ASXL1: variants seen among roughly 807,000 people sequenced by gnomAD.
ASXL1 encodes ASXL transcriptional regulator 1.
ASXL1 carries 65 observed loss-of-function variants against 89.1 expected under a neutral mutation model. The ratio of observed to expected loss-of-function variants is 0.73; its 90% confidence interval spans 0.60 to 0.90. The LOEUF (loss-of-function observed/expected upper bound fraction) is 0.90. Ranked by LOEUF, ASXL1 falls within the 40% of genes least tolerant of loss-of-function variation. The pLI is 0.00. For missense variants in ASXL1, 1,786 were observed against 1,942.9 expected, an observed-to-expected ratio of 0.92 and a Z score of 1.52; for synonymous variants, 739 against 746.9, an observed-to-expected ratio of 0.99 and a Z score of 0.17.
chr20:32,399,747 C>CT lies in ASXL1; in HGVS notation c.253-28350dup, dbSNP rs369127811. Among the ~76,000 whole-genome samples, 128 of 73,854 alleles carry CT rather than the reference C, an allele frequency of 1.7e-3. 2 individuals are homozygous for CT. The highest frequency in any genetic ancestry group is 5.2e-3 in the African/African-American group (76 of 14,684). 48.5% of individuals were successfully genotyped at this position (73,854 alleles called of 152,430 possible). ...TTTTAAAAATCTCACATATTTTACT[C>CT]TTTTTTTTTTTTTTTTTTTTTTTTT... On this transcript the variant is annotated intron_variant, in intron 4 of 12. Transcript: ENST00000375687.
Position 32,437,282 on chromosome 20 carries a change from C to T in ASXL1, c.4570C>T (p.His1524Tyr), listed in dbSNP as rs149678774. 1 of 1,614,120 alleles carries T rather than the reference C, an allele frequency of 6.2e-7. No individual in the cohort carries two copies. The highest frequency in any genetic ancestry group is 8.5e-7 in the Non-Finnish European group (1 of 1,180,034). The change falls in exon 13 of 13, where the codon CAC (histidine) becomes TAC (tyrosine). Residue 1524 changes from histidine (H) to tyrosine (Y), a missense_variant. By Grantham distance (83) the His-to-Tyr change is moderately conservative. Coordinates refer to ENST00000375687, the MANE Select transcript of ASXL1 (RefSeq NM_015338.6). ...GTGCCAAGGCTGCGGTGCGTTCTGT[C>T]ACGATGACTGTATTGGACCCTCAAA... The part of the protein sequence containing the change: ...IMCQGCGAFC[H>Y]DDCIGPSKLC...
intron 3 of ASXL1, 112 bp downstream of exon 3, chr20:32,367,841 C>CTGTAATTTGTAGACAGAGG: frequency 1.3e-6 from 1 of 758,978 alleles, no homozygotes; most frequent in Middle Eastern, 2.3e-4. Flanking sequence ...GTGAGCAGCT[C>CTGTAATTTGTAGACAGAGG]TGTAATTTGT....
intron 4 of ASXL1, among the ~76,000 whole-genome samples, chr20:32,420,289 T>C (rs2049218461): frequency 6.6e-6 from 1 of 152,146 alleles, no homozygotes; most frequent in Admixed American, 6.5e-5. Flanking sequence ...TATTTTTTGC[T>C]CAGGAAAGAT....
intron 1 of ASXL1, 70 bp downstream of exon 1, chr20:32,358,902 T>TGG (rs578092988): frequency 4.6e-6 from 6 of 1,306,592 alleles, no homozygotes; most frequent in South Asian, 1.6e-5. Flanking sequence ...ACCCCCCCAC[T>TGG]GGGGGGGGAG....
chr20:32,429,217 C>T lies in ASXL1; in HGVS notation c.472-121C>T, dbSNP rs2011440202. On this transcript the variant is annotated intron_variant, in intron 6 of 12. Coordinates refer to ENST00000375687, the MANE Select transcript of ASXL1 (RefSeq NM_015338.6). The surrounding 1 kb of genome is among the most constrained non-coding windows in gnomAD (Gnocchi z 4.9). The stretch of plus-strand genomic sequence containing the variant: ...CAGTGCTCTTGTCAGCATTATTTGA[C>T]AGATCTGGTTGAAGACGAACTTCAT... 1.0e-6 allele frequency: 1 copy of T among 955,038 alleles called. No homozygotes were observed. Among genetic ancestry groups the T allele is most frequent in the Non-Finnish European group, 1.7e-6 (1 of 605,904 alleles). The allele number at this position is 955,038 out of a possible 1,614,324, so 59.2% of individuals were successfully genotyped here.
At chr20:32,381,788 A>G (rs1310020674) in intron 4 of ASXL1, among the ~76,000 whole-genome samples, 1 of 152,118 alleles carries the variant, frequency 6.6e-6, no homozygotes, top group African/African-American at 2.4e-5. Context: ...TGCTGGGATT[A>G]CAGGCATGAG....
chr20:32,430,175 A>G, intron 8 of ASXL1, 122 bp downstream of exon 8: 2 of 1,305,868 alleles, frequency 1.5e-6, no homozygotes, highest in Middle Eastern at 4.3e-4. Flanking sequence ...GTGGCCCTCT[A>G]TTTTTTGTTT....
intron 4 of ASXL1, chr20:32,372,034 T>C: frequency 8.5e-7 from 1 of 1,183,068 alleles, no homozygotes; most frequent in Non-Finnish European, 1.1e-6. Context: ...TAATTACTTT[T>C]TTCTATGAGT....
chr20:32,377,105 A>G (rs1450343041), intron 4 of ASXL1, among the ~76,000 whole-genome samples: 1 of 115,200 alleles, frequency 8.7e-6, no homozygotes, highest in East Asian at 3.3e-4. Context: ...TATTATATAT[A>G]ATATATTAAT....
At chr20:32,377,943 GCAC>G (rs1569254748) in intron 4 of ASXL1, among the ~76,000 whole-genome samples, 2 of 141,928 alleles carry the variant, frequency 1.4e-5, no homozygotes, top group Non-Finnish European at 3.1e-5. Context: ...GTGAACCACC[GCAC>G]CTGGCCCCAA....
In ASXL1 at chr20:32,429,514, T is replaced by A; in HGVS notation, c.565+83T>A. The stretch of plus-strand genomic sequence containing the variant: ...CCTCTGTCAGCAGTTTCTGACCTAA[T>A]AGTGCGATACTAGGAGAGCTGTCGG... On this transcript the variant is annotated intron_variant, in intron 7 of 12. Coordinates refer to ENST00000375687, the MANE Select transcript of ASXL1 (RefSeq NM_015338.6). This position sits in a 1 kb window ranked among gnomAD's most constrained non-coding sequence, Gnocchi z 4.9. The A allele has an allele frequency of 7.2e-7, 1 of 1,394,240 alleles. No homozygotes were observed. Among genetic ancestry groups the A allele is most frequent in the Non-Finnish European group, 1.0e-6 (1 of 982,978 alleles). 86.4% of individuals were successfully genotyped at this position (1,394,240 alleles called of 1,614,324 possible).
Position 32,419,321 on chromosome 20 carries a change from G to A in ASXL1, c.253-8807G>A, listed in dbSNP as rs377549601. Among the ~76,000 whole-genome samples, 6 of 152,116 alleles carry A rather than the reference G, an allele frequency of 3.9e-5. No individual in the cohort carries two copies. The East Asian group carries it at 1.2e-3, about 30-fold the overall frequency. ...GGGCTCAAGCAATGCTCCCACCTCAGCCTCCCGAGTAGCTGAGACTACAGG... is the reference window on the plus strand; with the variant it reads ...GGGCTCAAGCAATGCTCCCACCTCAACCTCCCGAGTAGCTGAGACTACAGG... On this transcript the variant is annotated intron_variant, in intron 4 of 12. Transcript: ENST00000375687.
chr20:32,434,651 C>A lies in ASXL1; in HGVS notation c.1939C>A (p.Pro647Thr), dbSNP rs1228100817. 3 of 1,605,300 alleles carry A rather than the reference C, an allele frequency of 1.9e-6. No homozygotes were observed. The highest frequency in any genetic ancestry group is 3.4e-5 in the Admixed American group (2 of 59,142). Residue 647 changes from proline to threonine, a missense_variant, in exon 13 of 13, where the codon CCG (proline) becomes ACG (threonine). Physicochemically the swap from Pro to Thr is conservative, Grantham distance 38. This residue lies in a region of ASXL1 where 1,418 missense variants were observed against 1,427.8 expected (regional missense o/e 0.99). Transcript: ENST00000375687. ...CACTGCCATCGGAGGGGGGGGTGGC[C>A]CGGGTGGAGGTGGCGGCGGGGCCAC... ...ATTAIGGGGGPGGGGGGATDE... is the reference protein window; with the variant it reads ...ATTAIGGGGGTGGGGGGATDE...
rs1379045216 is a variant in ASXL1 at position 32,438,860 on chromosome 20, T to G, written c.*1522T>G. On this transcript the variant is annotated 3_prime_UTR_variant, in exon 13 of 13. Coordinates refer to ENST00000375687, the MANE Select transcript of ASXL1 (RefSeq NM_015338.6). ...GCCTGCTCCTGCCTCTCTCCCAACA[T>G]GTTTCCAGCAAGTAGATGCCCCTGT... The G allele has an allele frequency of 8.6e-6, 2 of 233,384 alleles. No individual in the cohort carries two copies. Among genetic ancestry groups the G allele is most frequent in the Non-Finnish European group, 1.7e-5 (2 of 118,068 alleles). The allele number at this position is 233,384 out of a possible 1,614,324, so 14.5% of individuals were successfully genotyped here.
chr20:32,358,899 C>A, intron 1 of ASXL1, 67 bp downstream of exon 1: 2 of 1,405,028 alleles, frequency 1.4e-6, no homozygotes, highest in Non-Finnish European at 1.9e-6. Context: ...CGCACCCCCC[C>A]ACTGGGGGGG....
chr20:32,437,611 G>T lies in ASXL1; in HGVS notation c.*273G>T. 3 of 487,848 alleles carry T rather than the reference G, an allele frequency of 6.1e-6. No homozygotes were observed. Among genetic ancestry groups the T allele is most frequent in the Non-Finnish European group, 1.1e-5 (3 of 272,766 alleles). 30.2% of individuals were successfully genotyped at this position (487,848 alleles called of 1,614,324 possible). A position where few individuals can be genotyped will look rare whatever the true frequency, so the allele number is the denominator to read the frequency against. On this transcript the variant is annotated 3_prime_UTR_variant, in exon 13 of 13. Transcript: ENST00000375687. ...AGAGCCTGATGTGGCACGGAGTGGGGTTGCGGGGGGTGGGGGGACTGCCTG... is the reference window on the plus strand; with the variant it reads ...AGAGCCTGATGTGGCACGGAGTGGGTTTGCGGGGGGTGGGGGGACTGCCTG...
chr20:32,418,236 G>C (rs1323835063), intron 4 of ASXL1, among the ~76,000 whole-genome samples: 1 of 151,914 alleles, frequency 6.6e-6, no homozygotes, highest in East Asian at 1.9e-4. Context: ...GCCTGGAGTG[G>C]TGGTGCATGC....
chr20:32,431,835 A>G (rs889070103), intron 10 of ASXL1, among the ~76,000 whole-genome samples, 156 bp downstream of exon 10: 2 of 152,224 alleles, frequency 1.3e-5, no homozygotes, highest in Non-Finnish European at 2.9e-5. Context: ...GGGTATTAAT[A>G]TGCCACACAG....
chr20:32,359,018 G>A (rs1021659115), intron 1 of ASXL1, 186 bp downstream of exon 1: 4 of 669,840 alleles, frequency 6.0e-6, no homozygotes, highest in African/African-American at 1.8e-5. Flanking sequence ...GATGGGATGT[G>A]GCGCCTTTTT....
Sources: gnomAD v4.1 joint callset for allele counts (sites outside exome capture counted in the v4.1 genomes callset) on GRCh38, gnomAD v4.1.1 for gene constraint, gnomAD v4.1.1 regional missense constraint, Gnocchi (gnomAD v3.1) non-coding constraint, MANE v1.5 for transcripts, NCBI Gene and HGNC (gene_info 2026-07-23, HGNC 2026-07-21) for gene names.